SAMSN1: variants seen among roughly 807,000 people sequenced by gnomAD.
SAMSN1 encodes the protein SAM domain, SH3 domain and nuclear localization signals 1.
In SAMSN1, 31 loss-of-function variants were observed where a neutral mutation model predicts 42.0. The ratio of observed to expected loss-of-function variants is 0.74; its 90% CI spans 0.55 to 1.00. The LOEUF is 1.00. Ranked by LOEUF, SAMSN1 falls within the 50% of genes least tolerant of loss-of-function variation. SAMSN1 has a pLI of 0.00. For missense variants in SAMSN1, 464 were observed against 439.4 expected (o/e 1.06, Z -0.50); for synonymous variants, 178 against 151.9 (o/e 1.17, Z -1.26).
chr21:14,557,784 G>A (rs1347542782), intron 2 of SAMSN1, among the ~76,000 whole-genome samples: 1 of 152,096 alleles, frequency 6.6e-6, no homozygotes, highest in Non-Finnish European at 1.5e-5. Flanking sequence ...CTCTGATCTG[G>A]TCACGCTGAT....
chr21:14,610,727 G>A (rs1020460046), intron 4 of SAMSN1, among the ~76,000 whole-genome samples: 3 of 152,126 alleles, frequency 2.0e-5, no homozygotes, highest in South Asian at 2.1e-4. Context: ...AATAACACAC[G>A]TTGAATTATC....
At chr21:14,637,808 A>G (rs1159101421) in intron 2 of SAMSN1, among the ~76,000 whole-genome samples, 2 of 152,222 alleles carry the variant, frequency 1.3e-5, no homozygotes, top group Non-Finnish European at 2.9e-5. Context: ...GTTACCATAA[A>G]GCTGTGCCTG....
At chr21:14,515,623 C>T (rs1987880528) in intron 3 of SAMSN1, among the ~76,000 whole-genome samples, 1 of 151,674 alleles carries the variant, frequency 6.6e-6, no homozygotes, top group African/African-American at 2.4e-5. Flanking sequence ...GCACAAGTGA[C>T]CAAAAAAAGA....
chr21:14,626,674 T>G (rs1040398529), intron 2 of SAMSN1, among the ~76,000 whole-genome samples: 25 of 152,368 alleles, frequency 1.6e-4, no homozygotes, highest in African/African-American at 6.0e-4. Context: ...TTTACACTGT[T>G]GGTGGGACTG....
chr21:14,643,443 A>C (rs1333077786), intron 1 of SAMSN1, among the ~76,000 whole-genome samples: 2 of 152,226 alleles, frequency 1.3e-5, no homozygotes. Context: ...ATTAAGCTCA[A>C]AAAACTAAAT....
At chr21:14,649,448 A>T (rs550747447) in intron 1 of SAMSN1, among the ~76,000 whole-genome samples, 157 of 152,228 alleles carry the variant, frequency 1.0e-3, no homozygotes, top group African/African-American at 3.6e-3. Context: ...TTTTAAAAAA[A>T]GTTATGAAAA....
intron 2 of SAMSN1, among the ~76,000 whole-genome samples, chr21:14,617,801 CA>C (rs959415388): frequency 4.1e-4 from 63 of 152,296 alleles, no homozygotes; most frequent in African/African-American, 1.5e-3. Context: ...CCTTTGCTAT[CA>C]AAGAGATTAA....
upstream of SAMSN1, chr21:14,583,593 A>G (rs1981825151): frequency 2.9e-6 from 2 of 696,064 alleles, no homozygotes; most frequent in African/African-American, 3.6e-5. Context: ...TCATTAACGT[A>G]TGCTTCCTTA....
At chr21:14,627,381 C>T (rs1442593279) in intron 2 of SAMSN1, among the ~76,000 whole-genome samples, 3 of 152,156 alleles carry the variant, frequency 2.0e-5, no homozygotes, top group Non-Finnish European at 2.9e-5. Context: ...AACATTTAGT[C>T]TTCCAAAATT....
upstream of SAMSN1, among the ~76,000 whole-genome samples, chr21:14,548,166 AT>A (rs1285886184): frequency 6.6e-6 from 1 of 152,208 alleles, no homozygotes; most frequent in African/African-American, 2.4e-5. Context: ...TCATCTATGA[AT>A]AAAAATTTAA....
chr21:14,556,566 A>G (rs541571854), intron 2 of SAMSN1, among the ~76,000 whole-genome samples: 1 of 152,200 alleles, frequency 6.6e-6, no homozygotes, highest in Non-Finnish European at 1.5e-5. Flanking sequence ...TCTTTTTAAC[A>G]TAAAGGGTAA....
intron 2 of SAMSN1, among the ~76,000 whole-genome samples, chr21:14,569,702 G>C (rs1381857200): frequency 6.6e-6 from 1 of 152,108 alleles, no homozygotes; most frequent in Non-Finnish European, 1.5e-5. Flanking sequence ...GAAACACAAA[G>C]AATATTGTTT....
chr21:14,655,915 A>G (rs1027447741), intron 1 of SAMSN1, among the ~76,000 whole-genome samples: 1 of 151,896 alleles, frequency 6.6e-6, no homozygotes, highest in Non-Finnish European at 1.5e-5. Flanking sequence ...GGATATCAAT[A>G]TACTAATAAT....
chr21:14,533,628 G>T (rs537014137), intron 1 of SAMSN1, among the ~76,000 whole-genome samples: 2 of 152,202 alleles, frequency 1.3e-5, no homozygotes, highest in East Asian at 1.9e-4. Flanking sequence ...CAACTTCAAG[G>T]TGACTAATTC....
At chr21:14,493,514 T>C (rs1986780717) in intron 7 of SAMSN1, among the ~76,000 whole-genome samples, 1 of 151,684 alleles carries the variant, frequency 6.6e-6, no homozygotes, top group Admixed American at 6.6e-5. Flanking sequence ...AACCAGCTTA[T>C]TATTCTAAAG....
At position 14,518,723 on chromosome 21, in the gene SAMSN1, G is replaced by T. The variant is rs1022374150; in HGVS notation, c.130-1682C>A. On this transcript the variant is annotated intron_variant, in intron 2 of 7. Coordinates refer to ENST00000400566, the MANE Select transcript of SAMSN1 (RefSeq NM_022136.5). ...AAATTGCCTATGATAAATATGAATG[G>T]ACAGCCAATTTAAACCCTCATTGCA... is the stretch of plus-strand genomic sequence containing the variant. Among the ~76,000 whole-genome samples, 19 of 152,212 alleles carry T rather than the reference G, an allele frequency of 1.2e-4. 2 individuals carry two copies. The highest frequency in any genetic ancestry group is 1.2e-3 in the Admixed American group (19 of 15,294).
At chr21:14,577,278 A>ATTTTTTTT (rs1310441620) in intron 2 of SAMSN1, among the ~76,000 whole-genome samples, 1 of 47,592 alleles carries the variant, frequency 2.1e-5, no homozygotes, top group African/African-American at 1.4e-4. Context: ...ATATATATAT[A>ATTTTTTTT]TATATATTTT....
At chr21:14,519,890 C>T (rs1978342144) in intron 2 of SAMSN1, among the ~76,000 whole-genome samples, 1 of 152,096 alleles carries the variant, frequency 6.6e-6, no homozygotes, top group Non-Finnish European at 1.5e-5. Context: ...AACCACTTAG[C>T]ATATGTGGCC....
chr21:14,539,508 C>A, intron 1 of SAMSN1, among the ~76,000 whole-genome samples: 1 of 152,052 alleles, frequency 6.6e-6, no homozygotes, highest in Non-Finnish European at 1.5e-5. Flanking sequence ...AACAGACAAA[C>A]AGAGAGCCAA....
Sources: allele counts gnomAD v4.1 joint callset (sites outside exome capture counted in the v4.1 genomes callset), GRCh38; gene constraint gnomAD v4.1.1; transcripts MANE v1.5; gene names NCBI Gene and HGNC (gene_info 2026-07-23, HGNC 2026-07-21).